Variants in METTL25 observed in about 807,000 individuals in gnomAD.
The protein encoded by METTL25 is probable methyltransferase-like protein 25.
METTL25 carries 64 observed loss-of-function variants against 71.6 expected under a neutral mutation model. That is an observed-to-expected ratio of 0.89 (90% CI 0.73 to 1.10). The LOEUF (loss-of-function observed/expected upper bound fraction) is 1.10. Among genes scored for constraint, METTL25 ranks in the 50% least tolerant of loss-of-function variants. The pLI is 0.00. For missense variants in METTL25, 807 were observed against 707.0 expected, an observed-to-expected ratio of 1.14 and a Z score of -1.60; for synonymous variants, 287 against 250.3, an observed-to-expected ratio of 1.15 and a Z score of -1.38.
At chr12:82,401,771 T>C (rs957748670) in intron 4 of METTL25, among the ~76,000 whole-genome samples, 4 of 152,024 alleles carry the variant, frequency 2.6e-5, no homozygotes, top group African/African-American at 9.7e-5. Context: ...ATGATTTAAT[T>C]TTAAAAAACT....
chr12:82,426,968 T>A (rs1404808600), intron 5 of METTL25, among the ~76,000 whole-genome samples: 1 of 151,972 alleles, frequency 6.6e-6, no homozygotes, highest in Admixed American at 6.6e-5. Flanking sequence ...CCTATTCATA[T>A]TAGCTACCAC....
chr12:82,438,636 C>T (rs1373606900), intron 7 of METTL25, 82 bp from the exon 8 acceptor site: 4 of 808,840 alleles, frequency 4.9e-6, no homozygotes, highest in African/African-American at 3.6e-5. Flanking sequence ...CTGACAGTCA[C>T]GTGTGGTTCC....
At chr12:82,393,476 A>G (rs1234228058) in intron 3 of METTL25, among the ~76,000 whole-genome samples, 1 of 151,978 alleles carries the variant, frequency 6.6e-6, no homozygotes, top group African/African-American at 2.4e-5. Flanking sequence ...CTGATTTTGT[A>G]TCCTGCAACT....
intron 7 of METTL25, among the ~76,000 whole-genome samples, chr12:82,437,454 AGGGGAAGATG>A (rs1890001409): frequency 6.6e-6 from 1 of 151,448 alleles, no homozygotes; most frequent in African/African-American, 2.4e-5. Context: ...CAGTGCCATC[AGGGGAAGATG>A]TAAGGAAAAT....
chr12:82,412,145 G>T (rs1486281895), intron 5 of METTL25, among the ~76,000 whole-genome samples: 1 of 151,878 alleles, frequency 6.6e-6, no homozygotes, highest in Non-Finnish European at 1.5e-5. Flanking sequence ...GGTATATAGA[G>T]AAATAAATAA....
intron 4 of METTL25, among the ~76,000 whole-genome samples, chr12:82,400,990 A>G (rs1886573484): frequency 6.6e-6 from 1 of 152,178 alleles, no homozygotes; most frequent in African/African-American, 2.4e-5. Context: ...CCTAAGTAGC[A>G]ATAAATCTTG....
At chr12:82,419,805 G>T (rs1046787193) in intron 5 of METTL25, among the ~76,000 whole-genome samples, 11 of 151,858 alleles carry the variant, frequency 7.2e-5, no homozygotes, top group Non-Finnish European at 1.5e-4. Flanking sequence ...TGATACGGAG[G>T]TTCCTCAAAG....
chr12:82,370,073 A>G (rs945466972), intron 1 of METTL25, among the ~76,000 whole-genome samples: 2 of 152,102 alleles, frequency 1.3e-5, no homozygotes, highest in African/African-American at 4.8e-5. Context: ...GGACACCCCA[A>G]CTGCTGTTGG....
At position 82,451,322 on chromosome 12, in the gene METTL25, C is replaced by G. The variant is rs1029476552; in HGVS notation, c.1479-5405C>G. ...GACAGCAGCGTGTCACCATTAAGAA[C>G]ATAAGCACAGGAGCTCTACTGCCTG... is the stretch of plus-strand genomic sequence containing the variant. On this transcript the variant is annotated intron_variant, in intron 8 of 11. Coordinates refer to ENST00000248306, the MANE Select transcript of METTL25 (RefSeq NM_032230.3). The G allele has an allele frequency of 3.2e-6, 3 of 935,922 alleles. No individual in the cohort carries two copies. In the African/African-American group the frequency reaches 5.3e-5, roughly 17 times the overall value. The allele number at this position is 935,922 out of a possible 1,614,324, so 58.0% of individuals were successfully genotyped here.
intron 5 of METTL25, among the ~76,000 whole-genome samples, chr12:82,414,976 G>A (rs1421856399): frequency 4.6e-5 from 7 of 151,974 alleles, no homozygotes; most frequent in African/African-American, 1.7e-4. Flanking sequence ...ATTATCTCAG[G>A]TGTTCCATAT....
intron 3 of METTL25, among the ~76,000 whole-genome samples, chr12:82,391,933 A>G (rs549276968): frequency 4.0e-5 from 6 of 151,480 alleles, no homozygotes; most frequent in Admixed American, 2.6e-4. Flanking sequence ...TCTAACTGGG[A>G]TGAGATGATA....
intron 6 of METTL25, 77 bp from the exon 7 acceptor site, chr12:82,434,618 A>C: frequency 8.4e-7 from 1 of 1,191,890 alleles, no homozygotes; most frequent in Non-Finnish European, 1.2e-6. Flanking sequence ...TCAGTTTTAC[A>C]AACTCTTATA....
rs183086341 is a variant in METTL25, at chr12:82,451,884, C to T, written c.1479-4843C>T. Among the ~76,000 whole-genome samples, 323 of 152,182 alleles carry T rather than the reference C, an allele frequency of 2.1e-3. 1 individual carries two copies. Among genetic ancestry groups the T allele is most frequent in the African/African-American group, 7.2e-3 (297 of 41,522 alleles). The stretch of plus-strand genomic sequence containing the variant: ...AAATGTTAATATTTTCTTTTAACTA[C>T]AGTAAACAGTTTATCTTAGGAACAC... On this transcript the variant is annotated intron_variant, in intron 8 of 11. Coordinates refer to ENST00000248306, the MANE Select transcript of METTL25 (RefSeq NM_032230.3).
Position 82,367,594 on chromosome 12 carries a change from T to C in METTL25, c.259+8770T>C, listed in dbSNP as rs146088986. On this transcript the variant is annotated intron_variant, in intron 1 of 11. Coordinates refer to ENST00000248306, the MANE Select transcript of METTL25 (RefSeq NM_032230.3). ...AGTGTCACCTCTCCTTTTTAAATCT[T>C]GCAACAGAATTTTTGTAATGGCTTC... 3.0e-3 allele frequency among the ~76,000 whole-genome samples: 450 copies of C among 152,336 alleles called. 4 individuals carry two copies. Among genetic ancestry groups the C allele is most frequent in the African/African-American group, 0.01 (424 of 41,576 alleles).
chr12:82,373,825 C>G (rs1465708681), intron 1 of METTL25, among the ~76,000 whole-genome samples: 1 of 152,144 alleles, frequency 6.6e-6, no homozygotes, highest in African/African-American at 2.4e-5. Context: ...GAGCTCTTTC[C>G]CAGAAAGTCT....
chr12:82,387,713 G>GCACA (rs1314906771), intron 2 of METTL25, among the ~76,000 whole-genome samples: 5 of 30,244 alleles, frequency 1.7e-4, no homozygotes, highest in East Asian at 3.2e-3. Flanking sequence ...ACACACACAC[G>GCACA]CGCACACACA....
At chr12:82,428,134 A>G (rs1158164366) in intron 5 of METTL25, among the ~76,000 whole-genome samples, 1 of 152,058 alleles carries the variant, frequency 6.6e-6, no homozygotes, top group East Asian at 1.9e-4. Flanking sequence ...GGGTGAAAGA[A>G]CATACCCCCC....
At chr12:82,407,827 C>T (rs1437906947) in intron 5 of METTL25, 8 of 985,132 alleles carry the variant, frequency 8.1e-6, no homozygotes, top group African/African-American at 3.5e-5. Flanking sequence ...TTTTGCCTAG[C>T]CCTGGACTGC....
chr12:82,413,111 CA>C (rs1887681950), intron 5 of METTL25, among the ~76,000 whole-genome samples: 1 of 151,898 alleles, frequency 6.6e-6, no homozygotes, highest in Non-Finnish European at 1.5e-5. Context: ...TCCTATAAAT[CA>C]TTAGTATTTT....
Sources: allele counts gnomAD v4.1 joint callset (sites outside exome capture counted in the v4.1 genomes callset), GRCh38; gene constraint gnomAD v4.1.1; transcripts MANE v1.5; gene names NCBI Gene and HGNC (gene_info 2026-07-23, HGNC 2026-07-21).